KCNQ5: variants seen among roughly 807,000 people sequenced by gnomAD.
KCNQ5 encodes the protein potassium voltage-gated channel subfamily KQT member 5.
A neutral mutation model predicts 98.2 loss-of-function variants in KCNQ5; 30 were observed. That is an observed-to-expected ratio of 0.31 (90% CI 0.23 to 0.41). The LOEUF (loss-of-function observed/expected upper bound fraction) is 0.41, where lower values mean the gene tolerates loss of function less well. Ranked by LOEUF, KCNQ5 falls within the 10% of genes least tolerant of loss-of-function variation. KCNQ5 has a pLI of 1.00. For synonymous variants in KCNQ5, 458 were observed against 449.4 expected (o/e 1.02, Z -0.24); for missense variants, 835 against 1,182.5 (o/e 0.71, Z 4.31).
intron 9 of KCNQ5, among the ~76,000 whole-genome samples, chr6:73,129,100 T>G (rs1323877473): frequency 1.3e-5 from 2 of 152,236 alleles, no homozygotes; most frequent in African/African-American, 2.4e-5. Flanking sequence ...TAGATTTTGG[T>G]TTTTTTCCAA....
At position 73,195,481 on chromosome 6, in the gene KCNQ5, A is replaced by G; in HGVS notation, c.*67A>G. ...ACATATCATTGCATGAACTATTTCG[A>G]AAGCCCTTCTAAAAAGTTGAAATTG... On this transcript the variant is annotated 3_prime_UTR_variant, in exon 14 of 14. Transcript: ENST00000370398. 6.5e-7 allele frequency: 1 copy of G among 1,532,658 alleles called. No individual in the cohort carries two copies. Among genetic ancestry groups the G allele is most frequent in the South Asian group, 1.3e-5 (1 of 79,860 alleles). The allele number at this position is 1,532,658 out of a possible 1,614,324, so 94.9% of individuals were successfully genotyped here.
chr6:72,995,218 A>C (rs1769231378), intron 1 of KCNQ5, among the ~76,000 whole-genome samples: 1 of 152,046 alleles, frequency 6.6e-6, no homozygotes, highest in African/African-American at 2.4e-5. Context: ...AAAATGCAAA[A>C]TTAGCCAGGC....
At position 72,938,556 on chromosome 6, in the gene KCNQ5, T is replaced by A. The variant is rs985763384; in HGVS notation, c.399-65352T>A. ...CACCACACCCGGCTAATTCTTGTAT[T>A]TTTTTTTTAGTAGAGATGGGGTTTC... is the stretch of plus-strand genomic sequence containing the variant. On this transcript the variant is annotated intron_variant, in intron 1 of 13. Coordinates refer to ENST00000370398, the MANE Select transcript of KCNQ5 (RefSeq NM_019842.4). 2.9e-3 allele frequency among the ~76,000 whole-genome samples: 3 copies of A among 1,044 alleles called. No homozygotes were observed. The East Asian group carries it at 0.38, about 131-fold the overall frequency. 0.7% of individuals were successfully genotyped at this position (1,044 alleles called of 152,430 possible). A position where few individuals can be genotyped will look rare whatever the true frequency, so the allele number is the denominator to read the frequency against.
At chr6:72,812,184 T>C (rs761003891) in intron 1 of KCNQ5, among the ~76,000 whole-genome samples, 8 of 152,166 alleles carry the variant, frequency 5.3e-5, no homozygotes, top group Non-Finnish European at 7.3e-5. Context: ...CTTTATTACA[T>C]CCTGTTTTAT....
intron 1 of KCNQ5, among the ~76,000 whole-genome samples, chr6:72,731,758 TAG>T (rs1770567093): frequency 1.3e-5 from 2 of 152,180 alleles, no homozygotes; most frequent in South Asian, 4.1e-4. Flanking sequence ...CCCAACAATA[TAG>T]AGATTCTGTT....
chr6:72,820,024 C>G (rs1164189013), intron 1 of KCNQ5, among the ~76,000 whole-genome samples: 1 of 152,182 alleles, frequency 6.6e-6, no homozygotes, highest in Non-Finnish European at 1.5e-5. Context: ...GGGTATTACA[C>G]TACTCCTCCA....
intron 1 of KCNQ5, among the ~76,000 whole-genome samples, chr6:72,696,342 A>G (rs1414263976): frequency 6.6e-6 from 1 of 152,196 alleles, no homozygotes; most frequent in East Asian, 1.9e-4. Flanking sequence ...TAAATCTACA[A>G]ACAATACTTG....
At chr6:72,735,419 G>C (rs2154475923) in intron 1 of KCNQ5, among the ~76,000 whole-genome samples, 1 of 152,202 alleles carries the variant, frequency 6.6e-6, no homozygotes, top group Non-Finnish European at 1.5e-5. Flanking sequence ...TGAAGCCATT[G>C]TTATAATAAA....
intron 10 of KCNQ5, chr6:73,157,403 C>A (rs1777406947): frequency 8.5e-6 from 5 of 588,348 alleles, no homozygotes; most frequent in Non-Finnish European, 1.2e-5. Context: ...TTCTGGGGGG[C>A]AGCGGCAGCT....
chr6:72,824,019 A>G (rs1360405874), intron 1 of KCNQ5, among the ~76,000 whole-genome samples: 1 of 152,138 alleles, frequency 6.6e-6, no homozygotes, highest in Non-Finnish European at 1.5e-5. Flanking sequence ...TGTTTCTATT[A>G]ATATTAATAA....
At chr6:72,639,983 G>C (rs1255451610) in intron 1 of KCNQ5, among the ~76,000 whole-genome samples, 2 of 152,130 alleles carry the variant, frequency 1.3e-5, no homozygotes, top group Non-Finnish European at 2.9e-5. Flanking sequence ...GCAACATTGG[G>C]AGCTATGATA....
chr6:73,010,751 A>C (rs1770030122), intron 2 of KCNQ5, among the ~76,000 whole-genome samples: 1 of 151,998 alleles, frequency 6.6e-6, no homozygotes, highest in African/African-American at 2.4e-5. Flanking sequence ...AGAATTTAGA[A>C]AGGAAACTAT....
chr6:72,962,926 C>G lies in KCNQ5; in HGVS notation c.399-40982C>G, dbSNP rs558118655. On this transcript the variant is annotated intron_variant, in intron 1 of 13. Coordinates refer to ENST00000370398, the MANE Select transcript of KCNQ5 (RefSeq NM_019842.4). ...CTGAGGATTTAGATGCATTTAAAGA[C>G]ACTCTTGATTCTTTATTTCCTCTAA... Among the ~76,000 whole-genome samples the G allele has an allele frequency of 8.5e-5, 13 of 152,270 alleles. 1 individual carries two copies. The South Asian group carries it at 2.5e-3, about 29-fold the overall frequency.
intron 1 of KCNQ5, among the ~76,000 whole-genome samples, chr6:72,930,968 C>A (rs1474492529): frequency 2.6e-5 from 4 of 152,138 alleles, no homozygotes; most frequent in African/African-American, 9.7e-5. Flanking sequence ...GGACATTGAA[C>A]TTTTACGTTT....
intron 1 of KCNQ5, among the ~76,000 whole-genome samples, chr6:72,817,941 A>G (rs185200891): frequency 2.6e-5 from 4 of 152,192 alleles, no homozygotes; most frequent in Admixed American, 1.3e-4. Context: ...AAAGAAAAAA[A>G]GAAACTGAGG....
intron 1 of KCNQ5, among the ~76,000 whole-genome samples, chr6:72,994,150 G>A (rs1582155284): frequency 3.2e-5 from 2 of 63,260 alleles, no homozygotes; most frequent in Middle Eastern, 8.1e-3. Flanking sequence ...GGAGCCTACA[G>A]AGGCAGGCAG....
At chr6:73,149,143 A>C (rs183174582) in intron 10 of KCNQ5, among the ~76,000 whole-genome samples, 185 of 152,318 alleles carry the variant, frequency 1.2e-3, no homozygotes, top group Middle Eastern at 3.4e-3. Flanking sequence ...TATGATCAGC[A>C]TTCTTTTAGT....
At chr6:73,072,285 T>C (rs1240588557) in intron 3 of KCNQ5, among the ~76,000 whole-genome samples, 1 of 152,220 alleles carries the variant, frequency 6.6e-6, no homozygotes, top group African/African-American at 2.4e-5. Flanking sequence ...TCTGTCCTTA[T>C]AACTACTAGT....
At chr6:72,800,209 A>T (rs991067046) in intron 1 of KCNQ5, among the ~76,000 whole-genome samples, 3 of 152,310 alleles carry the variant, frequency 2.0e-5, no homozygotes, top group East Asian at 1.9e-4. Flanking sequence ...GAATGGTACC[A>T]GTTCCTCCTT....
Sources: gnomAD v4.1 joint callset for allele counts (sites outside exome capture counted in the v4.1 genomes callset) on GRCh38, gnomAD v4.1.1 for gene constraint, MANE v1.5 for transcripts, NCBI Gene and HGNC (gene_info 2026-07-23, HGNC 2026-07-21) for gene names.